Variants in EBF1 observed in about 807,000 individuals in gnomAD.
EBF1 encodes the protein transcription factor COE1.
A neutral mutation model predicts 68.4 loss-of-function variants in EBF1; 10 were observed. The observed-to-expected ratio is 0.15, with a 90% CI of 0.09 to 0.25. The LOEUF is 0.25. EBF1 is among the 10% of genes least tolerant of loss of function. The pLI, the probability that EBF1 is intolerant of heterozygous loss-of-function variation, is 1.00. For synonymous variants in EBF1, 298 were observed against 299.8 expected, an observed-to-expected ratio of 0.99 and a Z score of 0.06; for missense variants, 509 against 794.4, an observed-to-expected ratio of 0.64 and a Z score of 4.32.
At chr5:159,033,309 C>A (rs570822489) in intron 6 of EBF1, among the ~76,000 whole-genome samples, 1 of 152,338 alleles carries the variant, frequency 6.6e-6, no homozygotes, top group South Asian at 2.1e-4. Context: ...AGATTAGATC[C>A]TGGATACAGA....
chr5:158,938,305 C>T (rs949002145), intron 6 of EBF1, among the ~76,000 whole-genome samples: 14 of 152,178 alleles, frequency 9.2e-5, no homozygotes, highest in African/African-American at 3.4e-4. Flanking sequence ...CAGGCCCTGA[C>T]CCAGGACAGC....
At chr5:158,756,882 C>T (rs1337832298) in intron 10 of EBF1, among the ~76,000 whole-genome samples, 1 of 150,810 alleles carries the variant, frequency 6.6e-6, no homozygotes, top group Non-Finnish European at 1.5e-5. Flanking sequence ...CACGTGGGCA[C>T]TAATTCCTGT....
chr5:159,027,893 G>C (rs1410352948), intron 6 of EBF1, among the ~76,000 whole-genome samples: 1 of 152,144 alleles, frequency 6.6e-6, no homozygotes, highest in Non-Finnish European at 1.5e-5. Flanking sequence ...GTCACACCCA[G>C]GGTTCCCCCA....
In EBF1 at chr5:159,008,364, TCA is replaced by T. The variant is rs762163152; in HGVS notation, c.554+65030_554+65031del. Among the ~76,000 whole-genome samples the T allele has an allele frequency of 4.6e-5, 7 of 151,518 alleles. No individual in the cohort carries two copies. The South Asian group carries it at 8.4e-4, about 18-fold the overall frequency. On this transcript the variant is annotated intron_variant, in intron 6 of 15. Coordinates refer to ENST00000313708, the MANE Select transcript of EBF1 (RefSeq NM_024007.5). ...CCAATAGCGAGGATCTTTTTAAAAA[TCA>T]CACACACACACACTTTAGTTAACAA...
chr5:159,094,966 G>A (rs1782325988), intron 4 of EBF1, among the ~76,000 whole-genome samples: 1 of 152,072 alleles, frequency 6.6e-6, no homozygotes, highest in South Asian at 2.1e-4. Flanking sequence ...CCGCGTGTTG[G>A]GAGCTTAAGA....
intron 6 of EBF1, among the ~76,000 whole-genome samples, chr5:159,064,386 A>G (rs555229536): frequency 6.6e-6 from 1 of 152,320 alleles, no homozygotes; most frequent in East Asian, 1.9e-4. Context: ...TCAGTCTGGG[A>G]GATAGGAGAT....
At chr5:158,804,453 A>T (rs931390607) in intron 8 of EBF1, among the ~76,000 whole-genome samples, 10 of 152,138 alleles carry the variant, frequency 6.6e-5, no homozygotes, top group Middle Eastern at 6.3e-3. Context: ...TGGTGCAACA[A>T]CTGTAATCCA....
intron 9 of EBF1, among the ~76,000 whole-genome samples, chr5:158,783,790 G>T (rs1038342064): frequency 8.5e-5 from 13 of 152,194 alleles, no homozygotes; most frequent in African/African-American, 3.1e-4. Context: ...CTTGACAGAA[G>T]AGCTGAAATC....
chr5:158,949,013 G>C (rs1002700579), intron 6 of EBF1, among the ~76,000 whole-genome samples: 3 of 152,216 alleles, frequency 2.0e-5, no homozygotes, highest in Admixed American at 2.0e-4. Flanking sequence ...ATTTGCAACA[G>C]GAGTAGGTCA....
chr5:158,909,640 G>A (rs1015010723), intron 6 of EBF1, among the ~76,000 whole-genome samples: 3 of 152,152 alleles, frequency 2.0e-5, no homozygotes, highest in South Asian at 4.2e-4. Context: ...TTACAGATCA[G>A]GTCAAGAAGG....
chr5:158,777,562 A>G (rs758617547), intron 9 of EBF1, 23 bp from the exon 10 acceptor site: 7 of 1,576,606 alleles, frequency 4.4e-6, no homozygotes, highest in African/African-American at 1.4e-5. Flanking sequence ...TTTGGGGGGA[A>G]AAATTGTCAT....
At chr5:158,898,919 G>C (rs932982556) in intron 6 of EBF1, among the ~76,000 whole-genome samples, 1 of 152,106 alleles carries the variant, frequency 6.6e-6, no homozygotes, top group Non-Finnish European at 1.5e-5. Context: ...TCCCTACAGT[G>C]ACAACACAAC....
chr5:158,712,696 T>C (rs1021144761), intron 13 of EBF1, among the ~76,000 whole-genome samples: 15 of 152,270 alleles, frequency 9.9e-5, no homozygotes, highest in Non-Finnish European at 1.8e-4. Context: ...AAAACTTTAA[T>C]TCCATCCCTC....
At chr5:158,820,088 C>T (rs1163774351) in intron 8 of EBF1, among the ~76,000 whole-genome samples, 1 of 152,036 alleles carries the variant, frequency 6.6e-6, no homozygotes, top group African/African-American at 2.4e-5. Flanking sequence ...AAGGAAACTT[C>T]CTCCAACAGT....
intron 6 of EBF1, among the ~76,000 whole-genome samples, chr5:158,860,464 C>A (rs948679473): frequency 3.3e-5 from 5 of 152,194 alleles, no homozygotes; most frequent in African/African-American, 1.2e-4. Context: ...GAATGCAGAT[C>A]TGGGGTATAA....
chr5:158,824,328 C>T (rs916273702), intron 7 of EBF1, among the ~76,000 whole-genome samples: 1 of 152,188 alleles, frequency 6.6e-6, no homozygotes, highest in Non-Finnish European at 1.5e-5. Context: ...CCCTGTCAGC[C>T]GCAAGCACCC....
chr5:158,727,733 C>T (rs1430351462), intron 11 of EBF1, among the ~76,000 whole-genome samples: 3 of 152,236 alleles, frequency 2.0e-5, no homozygotes, highest in Non-Finnish European at 4.4e-5. Flanking sequence ...CAGGATTCCG[C>T]TTGCTCCCGT....
At chr5:159,039,754 T>C (rs534415777) in intron 6 of EBF1, among the ~76,000 whole-genome samples, 6 of 152,302 alleles carry the variant, frequency 3.9e-5, no homozygotes, top group Non-Finnish European at 8.8e-5. Context: ...AAATGTCCCA[T>C]TGGATTTGAT....
At chr5:158,993,944 A>G (rs911989777) in intron 6 of EBF1, among the ~76,000 whole-genome samples, 5 of 152,252 alleles carry the variant, frequency 3.3e-5, no homozygotes, top group African/African-American at 4.8e-5. Flanking sequence ...CAGGCAGACA[A>G]GGAATTTGCA....
Sources: allele counts gnomAD v4.1 joint callset (sites outside exome capture counted in the v4.1 genomes callset), GRCh38; gene constraint gnomAD v4.1.1; transcripts MANE v1.5; gene names NCBI Gene and HGNC (gene_info 2026-07-23, HGNC 2026-07-21).